RNF20: variants seen among roughly 807,000 people sequenced by gnomAD.
RNF20 encodes the protein ring finger protein 20, also known as E3 ubiquitin-protein ligase BRE1A.
Under a neutral mutation model 126.2 loss-of-function variants are expected in RNF20, and 84 were observed. The ratio of observed to expected loss-of-function variants is 0.67; its 90% confidence interval spans 0.56 to 0.80. The LOEUF is 0.80. Ranked by LOEUF, RNF20 falls within the 30% of genes least tolerant of loss-of-function variation. The pLI is 0.00. For missense variants in RNF20, 869 were observed against 1,188.2 expected (o/e 0.73, Z 3.95); for synonymous variants, 400 against 414.3 (o/e 0.97, Z 0.42).
At chr9:101,550,465 A>G in intron 9 of RNF20, 141 bp from the exon 10 acceptor site, 2 of 701,190 alleles carry the variant, frequency 2.9e-6, no homozygotes, top group Non-Finnish European at 5.0e-6. Context: ...ACATAACTAC[A>G]GCAATGGGTA....
intron 5 of RNF20, 83 bp from the exon 6 acceptor site, chr9:101,544,684 G>A (rs1021847414): frequency 6.5e-6 from 6 of 917,102 alleles, no homozygotes; most frequent in Admixed American, 3.7e-5. Flanking sequence ...TCCAGCCTGG[G>A]CGATAGAGCA....
chr9:101,555,694 G>A (rs1827521381), intron 15 of RNF20, among the ~76,000 whole-genome samples: 1 of 151,860 alleles, frequency 6.6e-6, no homozygotes, highest in Admixed American at 6.6e-5. Context: ...GCTCATGCCT[G>A]TAATCCCAGC....
rs916313129 is a variant in RNF20, at chr9:101,534,338, G to A, written c.-27+424G>A. On this transcript the variant is annotated intron_variant, in intron 1 of 19. Transcript: ENST00000389120. ...GACGAAAAATATATTCGTTAATATT[G>A]TGCAGTTGAGGAAACTGAAGCTCTT... 4.6e-5 allele frequency: 7 copies of A among 152,180 alleles called. 1 individual carries two copies. The highest frequency in any genetic ancestry group is 3.3e-4 in the Admixed American group (5 of 15,276). The allele number at this position is 152,180 out of a possible 1,614,324, so 9.4% of individuals were successfully genotyped here. A position where few individuals can be genotyped will look rare whatever the true frequency, so the allele number is the denominator to read the frequency against.
intron 5 of RNF20, among the ~76,000 whole-genome samples, chr9:101,541,264 T>A (rs1048903491): frequency 2.0e-5 from 3 of 152,136 alleles, no homozygotes; most frequent in African/African-American, 7.2e-5. Flanking sequence ...AGAGAGGAAG[T>A]CTTGCTATGT....
At chr9:101,552,774 A>C in intron 13 of RNF20, 21 bp downstream of exon 13, 1 of 1,572,570 alleles carries the variant, frequency 6.4e-7, no homozygotes, top group South Asian at 1.2e-5. Flanking sequence ...CATTTAGAGT[A>C]ACAGTTTCGA....
chr9:101,560,023 T>C (rs1242551006), intron 16 of RNF20, among the ~76,000 whole-genome samples: 3 of 152,176 alleles, frequency 2.0e-5, no homozygotes, highest in Non-Finnish European at 2.9e-5. Context: ...TTCAGTATAA[T>C]GTTGGCTGTG....
rs1410075299 is a variant in RNF20, at chr9:101,551,757, G to A, written c.1346G>A (p.Arg449His). Residue 449 changes from arginine to histidine, a missense_variant, in exon 11 of 20, where the codon CGC (arginine) becomes CAC (histidine). Transcript: ENST00000389120. ...IQLEDTLAQV[R>H]KEYEMLRIEF... ...CTAGAAGATACATTGGCCCAGGTCCGCAAGGAGTATGAAATGCTGAGGATA... is the reference window on the plus strand; with the variant it reads ...CTAGAAGATACATTGGCCCAGGTCCACAAGGAGTATGAAATGCTGAGGATA... 6.2e-7 allele frequency: 1 copy of A among 1,613,698 alleles called. No homozygotes were observed. Among genetic ancestry groups the A allele is most frequent in the Non-Finnish European group, 8.5e-7 (1 of 1,179,838 alleles).
intron 16 of RNF20, among the ~76,000 whole-genome samples, chr9:101,559,968 T>A (rs1273802049): frequency 3.9e-5 from 6 of 152,166 alleles, no homozygotes; most frequent in Non-Finnish European, 8.8e-5. Flanking sequence ...GTGGCATCTG[T>A]GTCTTGTTCC....
rs1258121384 is a variant in RNF20 at position 101,552,447 on chromosome 9, A to C, written c.1595A>C (p.Glu532Ala). ...TCTAGTACTGAGGACCCGAAGGATG[A>C]GCCTGCGGAGCTAAAACCAGATTCT... ...SQSSTEDPKD[E>A]PAELKPDSED... The change falls in exon 13 of 20, where the codon GAG (glutamate) becomes GCG (alanine). Residue 532 changes from glutamate (E) to alanine (A), a missense_variant. By Grantham distance (107) the Glu-to-Ala change is moderately radical. Around this residue, in one of 8 missense-constraint regions of RNF20, gnomAD observed 231 missense variants for 263.6 expected, o/e 0.88. Transcript: ENST00000389120. 6.2e-7 allele frequency: 1 copy of C among 1,612,960 alleles called. No individual in the cohort carries two copies. Among genetic ancestry groups the C allele is most frequent in the Non-Finnish European group, 8.5e-7 (1 of 1,179,016 alleles).
chr9:101,555,958 C>CAA (rs1232665127), intron 15 of RNF20, among the ~76,000 whole-genome samples: 2 of 124,226 alleles, frequency 1.6e-5, no homozygotes, highest in African/African-American at 3.0e-5. Flanking sequence ...AACTCCATCT[C>CAA]AAAAAAAAAA....
At chr9:101,550,474 T>C (rs1288686556) in intron 9 of RNF20, 132 bp from the exon 10 acceptor site, 2 of 737,606 alleles carry the variant, frequency 2.7e-6, no homozygotes, top group African/African-American at 3.5e-5. Flanking sequence ...CAGCAATGGG[T>C]AGATAACTTA....
Position 101,552,453 on chromosome 9 carries a change from C to G in RNF20, c.1601C>G (p.Ala534Gly). The G allele has an allele frequency of 1.2e-6, 2 of 1,612,962 alleles. No individual in the cohort carries two copies. Residue 534 changes from alanine (A) to glycine (G), a missense_variant, in exon 13 of 20, where the codon GCG becomes GGG. Ala to Gly is a moderately conservative substitution (Grantham distance 60). This residue lies in a region of RNF20 where 231 missense variants were observed against 263.6 expected (regional missense o/e 0.88). Transcript: ENST00000389120. ...ACTGAGGACCCGAAGGATGAGCCTG[C>G]GGAGCTAAAACCAGATTCTGAGGAC... ...SSTEDPKDEPAELKPDSEDLS... is the reference protein window; with the variant it reads ...SSTEDPKDEPGELKPDSEDLS...
intron 9 of RNF20, among the ~76,000 whole-genome samples, chr9:101,549,831 A>G (rs369131571): frequency 6.4e-4 from 97 of 152,360 alleles, no homozygotes; most frequent in African/African-American, 2.1e-3. Context: ...TTATGATTAT[A>G]GAGCGAGGAT....
intron 14 of RNF20, 55 bp from the exon 15 acceptor site, chr9:101,554,639 T>G: frequency 6.6e-7 from 1 of 1,505,318 alleles, no homozygotes; most frequent in South Asian, 1.2e-5. Flanking sequence ...TATTAATTGA[T>G]TTTTGAAAAT....
chr9:101,542,155 A>G (rs1827269769), intron 5 of RNF20, among the ~76,000 whole-genome samples: 1 of 152,226 alleles, frequency 6.6e-6, no homozygotes, highest in African/African-American at 2.4e-5. Context: ...TTTTAAGGGT[A>G]ATTGGGCTAA....
chr9:101,557,580 TGACTCTGAA>T lies in RNF20; in HGVS notation c.2372_2380del (p.Leu791_Thr793del). 6.2e-7 allele frequency: 1 copy of T among 1,613,604 alleles called. No individual in the cohort carries two copies. The highest frequency in any genetic ancestry group is 8.5e-7 in the Non-Finnish European group (1 of 1,179,580). ...AAGGAGGAGCTGGCAGACCAGGTGT[TGACTCTGAA>T]GACTCAGGTAATTAGGATGAGTAGA... On this transcript the variant is annotated inframe_deletion, in exon 16 of 20. Coordinates refer to ENST00000389120, the MANE Select transcript of RNF20 (RefSeq NM_019592.7).
In RNF20 at chr9:101,547,416, A is replaced by G. The variant is rs551683878; in HGVS notation, c.990A>G (p.Ala330=). The G allele has an allele frequency of 6.2e-7, 1 of 1,614,190 alleles. No individual in the cohort carries two copies. The highest frequency in any genetic ancestry group is 1.7e-5 in the Admixed American group (1 of 60,032). The change falls in exon 9 of 20, where the codon GCA becomes GCG. Residue 330 remains alanine, a synonymous_variant. Coordinates refer to ENST00000389120, the MANE Select transcript of RNF20 (RefSeq NM_019592.7). ...INARKFEEMN[A]ELEENKELAQ... is the part of the protein sequence containing the mutation. ...CTCTGCAGTTTGAGGAAATGAATGC[A>G]GAGCTTGAGGAGAACAAAGAGTTGG...
In RNF20 at chr9:101,561,977, A is replaced by G; in HGVS notation, c.2717A>G (p.Asp906Gly). Residue 906 changes from aspartate to glycine, a missense_variant, in exon 19 of 20, where the codon GAT becomes GGT. Around this residue, in one of 8 missense-constraint regions of RNF20, gnomAD observed 150 missense variants for 173.7 expected, o/e 0.86. Transcript: ENST00000389120. ...AAACCAGACAATGTACCCAAGTGTG[A>G]TGAGATTCTGATGGAAGAGATTAAG... Reference protein sequence around the residue: ...TKKPDNVPKCDEILMEEIKDY... With the variant: ...TKKPDNVPKCGEILMEEIKDY... 6.2e-7 allele frequency: 1 copy of G among 1,612,198 alleles called. No individual in the cohort carries two copies. Among genetic ancestry groups the G allele is most frequent in the Non-Finnish European group, 8.5e-7 (1 of 1,179,354 alleles).
In RNF20 at chr9:101,548,731, A is replaced by T. The variant is rs573978454; in HGVS notation, c.1092+1213A>T. ...TGCCCTGAAAAGGATTTAAAGCAAC[A>T]TACAAAGATATGTAGACTAAATCAA... is the stretch of plus-strand genomic sequence containing the variant. On this transcript the variant is annotated intron_variant, in intron 9 of 19. Transcript: ENST00000389120. 7.1e-4 allele frequency among the ~76,000 whole-genome samples: 108 copies of T among 152,350 alleles called. 1 individual carries two copies. The highest frequency in any genetic ancestry group is 2.5e-3 in the African/African-American group (105 of 41,576).
Sources: allele counts gnomAD v4.1 joint callset (sites outside exome capture counted in the v4.1 genomes callset), GRCh38; gene constraint gnomAD v4.1.1; regional missense constraint gnomAD v4.1.1; transcripts MANE v1.5; gene names NCBI Gene and HGNC (gene_info 2026-07-23, HGNC 2026-07-21).